DIAPH2: variants seen among roughly 807,000 people sequenced by gnomAD.
The protein encoded by DIAPH2 is diaphanous related formin 2, also known as protein diaphanous homolog 2.
DIAPH2 carries 35 observed loss-of-function variants against 92.7 expected under a neutral mutation model. That is an observed-to-expected ratio of 0.38 (90% CI 0.29 to 0.50). The LOEUF is 0.50. Among genes scored for constraint, DIAPH2 ranks in the 20% least tolerant of loss-of-function variants. The pLI is 0.94. For synonymous variants in DIAPH2, 301 were observed against 280.4 expected, an observed-to-expected ratio of 1.07 and a Z score of -0.73; for missense variants, 701 against 819.5, an observed-to-expected ratio of 0.86 and a Z score of 1.77.
chrX:96,966,185 C>T (rs1399207377), intron 17 of DIAPH2, among the ~76,000 whole-genome samples: 3 of 111,379 alleles, frequency 2.7e-5, no homozygotes, highest in Non-Finnish European at 3.8e-5. Context: ...ACACACAAAT[C>T]TGGGGTGATT....
intron 24 of DIAPH2, among the ~76,000 whole-genome samples, chrX:97,361,609 AG>A (rs1277102326): frequency 2.7e-5 from 3 of 112,012 alleles, no homozygotes; most frequent in Non-Finnish European, 5.6e-5. Context: ...AGGCAGTTAC[AG>A]GGTTGGTTAA....
chrX:97,185,448 TGTGTGTGTATATATATATATATACAC>T (rs2067586873), intron 22 of DIAPH2, among the ~76,000 whole-genome samples: 6 of 36,510 alleles, frequency 1.6e-4, no homozygotes, highest in African/African-American at 9.8e-4. Context: ...TATATATATA[TGTGTGTGTATATATATATATATACAC>T]ATATATATAT....
At chrX:96,781,306 G>C (rs894976388) in intron 4 of DIAPH2, among the ~76,000 whole-genome samples, 1 of 111,295 alleles carries the variant, frequency 9.0e-6, no homozygotes, top group Non-Finnish European at 1.9e-5. Context: ...CAATATCATG[G>C]CAATACTCTA....
At chrX:96,854,540 T>C (rs1337746756) in intron 4 of DIAPH2, among the ~76,000 whole-genome samples, 1 of 97,235 alleles carries the variant, frequency 1.0e-5, no homozygotes, top group East Asian at 3.3e-4. Context: ...ATACTCTCTC[T>C]CTCTTTCTCT....
intron 17 of DIAPH2, among the ~76,000 whole-genome samples, chrX:97,045,002 A>G (rs950526584): frequency 1.8e-5 from 2 of 111,501 alleles, no homozygotes; most frequent in Admixed American, 1.9e-4. Context: ...CCTCTTTCTT[A>G]AAGGAAACTA....
chrX:97,519,828 C>T (rs2070978224), intron 26 of DIAPH2, among the ~76,000 whole-genome samples: 1 of 110,865 alleles, frequency 9.0e-6, no homozygotes, highest in Non-Finnish European at 1.9e-5. Context: ...CAGGGTCAAG[C>T]GATTCTCCTG....
chrX:97,234,709 G>A (rs1385703587), intron 22 of DIAPH2, among the ~76,000 whole-genome samples: 1 of 111,540 alleles, frequency 9.0e-6, no homozygotes, highest in African/African-American at 3.3e-5. Context: ...GTCACAAAAT[G>A]CTATCCTTCT....
At chrX:97,568,393 A>G (rs1296850207) in intron 26 of DIAPH2, among the ~76,000 whole-genome samples, 1 of 111,072 alleles carries the variant, frequency 9.0e-6, no homozygotes. Context: ...ATCATAAATA[A>G]CAAAATAGAA....
At chrX:97,004,235 T>G (rs1230857779) in intron 17 of DIAPH2, among the ~76,000 whole-genome samples, 1 of 111,537 alleles carries the variant, frequency 9.0e-6, no homozygotes, top group Non-Finnish European at 1.9e-5. Flanking sequence ...TCTTCCAGTT[T>G]TGTTCTTTTT....
chrX:97,543,220 C>T (rs2071154372), intron 26 of DIAPH2, among the ~76,000 whole-genome samples: 1 of 111,959 alleles, frequency 8.9e-6, no homozygotes, highest in South Asian at 3.7e-4. Flanking sequence ...GAAGGGAGCT[C>T]AGGCTTCTTA....
chrX:97,518,865 C>A (rs2070970598), intron 26 of DIAPH2, among the ~76,000 whole-genome samples: 1 of 111,615 alleles, frequency 9.0e-6, no homozygotes. Flanking sequence ...AAAGCCTTGA[C>A]AATCCATGAG....
At chrX:96,909,207 T>C (rs1204730006) in intron 5 of DIAPH2, among the ~76,000 whole-genome samples, 2 of 111,852 alleles carry the variant, frequency 1.8e-5, no homozygotes, top group Admixed American at 1.9e-4. Flanking sequence ...TGATTTGGAG[T>C]GCACACTTTG....
At chrX:97,497,427 A>G (rs377489715) in intron 26 of DIAPH2, among the ~76,000 whole-genome samples, 1 of 108,246 alleles carries the variant, frequency 9.2e-6, no homozygotes, top group East Asian at 2.9e-4. Context: ...GGCTCAGCCA[A>G]TTTGTAAGCT....
chrX:97,163,769 T>C (rs972193084), intron 22 of DIAPH2, among the ~76,000 whole-genome samples: 2 of 112,294 alleles, frequency 1.8e-5, no homozygotes, highest in African/African-American at 6.5e-5. Context: ...TAGTTCCTTA[T>C]TCCTCTTAGC....
chrX:97,235,623 A>G (rs1177894452), intron 22 of DIAPH2, among the ~76,000 whole-genome samples: 2 of 102,140 alleles, frequency 2.0e-5, no homozygotes, highest in East Asian at 6.0e-4. Context: ...AAAAAAAAAA[A>G]GAAAGAAATT....
chrX:96,884,783 T>C, intron 5 of DIAPH2: 1 of 1,210,740 alleles, frequency 8.3e-7, no homozygotes, highest in South Asian at 1.8e-5. Flanking sequence ...ACCGTGCATA[T>C]TCTGGAAACG....
chrX:96,877,050 C>A (rs1479342153), intron 4 of DIAPH2, among the ~76,000 whole-genome samples: 1 of 111,341 alleles, frequency 9.0e-6, no homozygotes, highest in Non-Finnish European at 1.9e-5. Context: ...GGCTTTCTTA[C>A]ATAAATGGAG....
chrX:97,586,447 G>GAACTTAATAAGAT (rs1409032729), intron 26 of DIAPH2, among the ~76,000 whole-genome samples: 13 of 109,456 alleles, frequency 1.2e-4, no homozygotes, highest in Admixed American at 4.8e-4. Flanking sequence ...TTCACCTACT[G>GAACTTAATAAGAT]CATGATCACC....
intron 4 of DIAPH2, among the ~76,000 whole-genome samples, chrX:96,801,731 A>G (rs1192500943): frequency 8.9e-6 from 1 of 111,745 alleles, no homozygotes; most frequent in Non-Finnish European, 1.9e-5. Context: ...ACCATTTTAT[A>G]TATTTGTTTT....
Sources: allele counts gnomAD v4.1 joint callset (sites outside exome capture counted in the v4.1 genomes callset), GRCh38; gene constraint gnomAD v4.1.1; transcripts MANE v1.5; gene names NCBI Gene and HGNC (gene_info 2026-07-23, HGNC 2026-07-21).